MICAL3: variants seen among roughly 807,000 people sequenced by gnomAD.
MICAL3 encodes [F-actin]-monooxygenase MICAL3.
Under a neutral mutation model 207.4 loss-of-function variants are expected in MICAL3, and 62 were observed. The observed-to-expected ratio is 0.30, with a 90% CI of 0.24 to 0.37. MICAL3 has a LOEUF of 0.37. Ranked by LOEUF, MICAL3 falls within the 10% of genes least tolerant of loss-of-function variation. The pLI is 1.00. For synonymous variants in MICAL3, 1,077 were observed against 1,069.3 expected, an observed-to-expected ratio of 1.01 and a Z score of -0.14; for missense variants, 2,368 against 2,635.6, an observed-to-expected ratio of 0.90 and a Z score of 2.22.
chr22:17,808,603 AG>A (rs2062011906), intron 29 of MICAL3, among the ~76,000 whole-genome samples: 1 of 152,088 alleles, frequency 6.6e-6, no homozygotes, highest in Non-Finnish European at 1.5e-5. Flanking sequence ...CCGGGGACTG[AG>A]TTTCACTCTA....
chr22:17,822,864 A>G (rs1196431075), intron 23 of MICAL3, 83 bp downstream of exon 23: 2 of 868,652 alleles, frequency 2.3e-6, no homozygotes, highest in East Asian at 5.5e-5. Flanking sequence ...CGGCGGCCTC[A>G]CTGAGCTTGA....
intron 1 of MICAL3, among the ~76,000 whole-genome samples, chr22:17,994,070 T>C (rs780669550): frequency 3.5e-4 from 53 of 152,264 alleles, no homozygotes; most frequent in Admixed American, 2.4e-3. Flanking sequence ...CTCAGGACAG[T>C]GTGGCATGGC....
chr22:17,885,998 C>CA lies in MICAL3; in HGVS notation c.2120dup (p.Thr708AspfsTer27). On this transcript the variant is annotated frameshift_variant, in exon 16 of 32. Transcript: ENST00000441493. LOFTEE classifies it high-confidence loss of function. The stretch of plus-strand genomic sequence containing the variant: ...CGGCAACGTCCATCCTCCTGTCTGT[C>CA]AGAGTGCTCACCAGGGTCGGTCTTT... The CA allele has an allele frequency of 6.2e-7, 1 of 1,614,054 alleles. No individual in the cohort carries two copies. The highest frequency in any genetic ancestry group is 1.1e-5 in the South Asian group (1 of 91,082).
chr22:17,811,802 T>C (rs765208506), intron 27 of MICAL3, among the ~76,000 whole-genome samples: 39 of 152,212 alleles, frequency 2.6e-4, no homozygotes, highest in Non-Finnish European at 5.0e-4. Context: ...TGGGGGGCAG[T>C]GATACGATCA....
Position 17,823,065 on chromosome 22 carries a change from A to G in MICAL3, c.3194-5T>C, listed in dbSNP as rs761177384. On this transcript the variant is annotated splice_polypyrimidine_tract_variant and splice_region_variant and intron_variant, in intron 22 of 31. Coordinates refer to ENST00000441493, the MANE Select transcript of MICAL3 (RefSeq NM_015241.3). ...GGTCATTCTCATCCAATGGGGCTGC[A>G]AAGCAGAAAGGTTCAAAGGAAGGAA... The G allele has an allele frequency of 4.4e-6, 7 of 1,580,428 alleles. No homozygotes were observed. The highest frequency in any genetic ancestry group is 1.7e-5 in the Admixed American group (1 of 59,962).
At chr22:17,983,568 T>C (rs138176848) in intron 1 of MICAL3, 35 of 152,698 alleles carry the variant, frequency 2.3e-4, no homozygotes, top group African/African-American at 7.7e-4. Context: ...GACTCTGTAC[T>C]CCCAAGTACA....
intron 1 of MICAL3, among the ~76,000 whole-genome samples, chr22:17,967,862 T>C (rs546594952): frequency 5.1e-4 from 37 of 72,458 alleles, no homozygotes; most frequent in African/African-American, 2.1e-3. Flanking sequence ...CTGACCAACA[T>C]GGTGAAACCC....
intron 19 of MICAL3, among the ~76,000 whole-genome samples, chr22:17,842,859 C>T (rs1244989011): frequency 5.3e-5 from 8 of 152,280 alleles, no homozygotes; most frequent in African/African-American, 9.6e-5. Flanking sequence ...CGGTGGCTCA[C>T]GCCTGTAATC....
intron 19 of MICAL3, among the ~76,000 whole-genome samples, chr22:17,855,228 G>A (rs1027801918): frequency 1.3e-4 from 20 of 152,218 alleles, no homozygotes; most frequent in African/African-American, 4.1e-4. Flanking sequence ...CCAAGCCTGA[G>A]TAGATCAGAA....
intron 25 of MICAL3, 28 bp downstream of exon 25, chr22:17,821,399 T>C: frequency 2.0e-6 from 3 of 1,529,362 alleles, no homozygotes; most frequent in Non-Finnish European, 2.6e-6. Context: ...TAGTTCTCTG[T>C]ACCCCACAGC....
At chr22:17,960,131 A>AGC (rs1170682955) in intron 1 of MICAL3, among the ~76,000 whole-genome samples, 1 of 152,168 alleles carries the variant, frequency 6.6e-6, no homozygotes, top group Non-Finnish European at 1.5e-5. Flanking sequence ...CTCCAGGCTG[A>AGC]GCGCGGCTGT....
chr22:17,864,054 T>C (rs1055831615), intron 19 of MICAL3: 2 of 985,944 alleles, frequency 2.0e-6, no homozygotes, highest in African/African-American at 3.5e-5. Context: ...ACCCAGCAGT[T>C]TGTGGAGCTC....
chr22:17,805,854 G>C (rs1201484554), intron 29 of MICAL3, among the ~76,000 whole-genome samples: 3 of 152,104 alleles, frequency 2.0e-5, no homozygotes, highest in Non-Finnish European at 4.4e-5. Flanking sequence ...TCAGCCTCCC[G>C]AGTAGCTGGG....
In MICAL3 at chr22:17,927,788, G is replaced by C. The variant is rs374232704; in HGVS notation, c.-74-20902C>G. 1.6e-4 allele frequency among the ~76,000 whole-genome samples: 24 copies of C among 152,082 alleles called. No individual in the cohort carries two copies. The East Asian group carries it at 2.9e-3, about 18-fold the overall frequency. On this transcript the variant is annotated intron_variant, in intron 1 of 31. Transcript: ENST00000441493. ...ACCTCCTCATCCATCGGGGCTTTAG[G>C]GCCACATCTCCAAGCCCTTCTCAGA...
intron 1 of MICAL3, among the ~76,000 whole-genome samples, chr22:18,010,705 C>T (rs938553835): frequency 6.6e-6 from 1 of 152,118 alleles, no homozygotes. Flanking sequence ...TCAGGCAAAG[C>T]ACCTCACTGC....
intron 21 of MICAL3, among the ~76,000 whole-genome samples, chr22:17,830,224 G>C (rs1006767577): frequency 2.0e-5 from 3 of 152,168 alleles, no homozygotes; most frequent in Admixed American, 6.5e-5. Flanking sequence ...AGGGAGGGAA[G>C]AGAAGGGAGT....
At chr22:18,009,009 T>G (rs992527567) in intron 1 of MICAL3, among the ~76,000 whole-genome samples, 1 of 152,216 alleles carries the variant, frequency 6.6e-6, no homozygotes, top group Non-Finnish European at 1.5e-5. Flanking sequence ...GGTTCAAAAT[T>G]GGGTGATTTT....
At position 17,801,576 on chromosome 22, in the gene MICAL3, C is replaced by T. The variant is rs141734513; in HGVS notation, c.5650+7268G>A. ...GAAAGCAGCTCACTACCTCTTCTCA[C>T]TCGAGCAAGGGCGGGTAAAGAAAGC... On this transcript the variant is annotated intron_variant, in intron 29 of 31. Transcript: ENST00000441493. Among the ~76,000 whole-genome samples, 377 of 152,280 alleles carry T rather than the reference C, an allele frequency of 2.5e-3. 1 individual carries two copies. The highest frequency in any genetic ancestry group is 4.7e-3 in the Admixed American group (72 of 15,298).
intron 19 of MICAL3, chr22:17,864,294 A>G: frequency 9.2e-7 from 1 of 1,082,256 alleles, no homozygotes; most frequent in Non-Finnish European, 1.1e-6. Flanking sequence ...TGACAAGCCC[A>G]GTGGCCAAGG....
Sources: gnomAD v4.1 joint callset for allele counts (sites outside exome capture counted in the v4.1 genomes callset) on GRCh38, gnomAD v4.1.1 for gene constraint, MANE v1.5 for transcripts, NCBI Gene and HGNC (gene_info 2026-07-23, HGNC 2026-07-21) for gene names.